The following CXADR variants were observed in gnomAD, a reference collection of about 807,000 sequenced individuals.
CXADR encodes the protein CXADR cell adhesion molecule, also known as coxsackievirus and adenovirus receptor.
Under a neutral mutation model 40.3 loss-of-function variants are expected in CXADR, and 20 were observed. The observed-to-expected ratio is 0.50, with a 90% CI of 0.35 to 0.72. The LOEUF (loss-of-function observed/expected upper bound fraction) is 0.72. CXADR is among the 30% of genes least tolerant of loss of function. The pLI, the probability that CXADR is intolerant of heterozygous loss-of-function variation, is 0.01. For synonymous variants in CXADR, 150 were observed against 161.3 expected, an observed-to-expected ratio of 0.93 and a Z score of 0.53; for missense variants, 332 against 449.1, an observed-to-expected ratio of 0.74 and a Z score of 2.36.
intron 1 of CXADR, among the ~76,000 whole-genome samples, chr21:17,531,721 A>G (rs190690733): frequency 1.5e-3 from 229 of 152,208 alleles, no homozygotes; most frequent in African/African-American, 4.6e-3. Flanking sequence ...AATTTCTTGT[A>G]CTCTAATGTG....
chr21:17,558,008 A>G (rs190868569), intron 3 of CXADR, among the ~76,000 whole-genome samples: 91 of 152,268 alleles, frequency 6.0e-4, no homozygotes, highest in Non-Finnish European at 9.6e-4. Flanking sequence ...GATTGGGGTG[A>G]GTTGCAGGTA....
chr21:17,571,460 A>G (rs1276430671), downstream of CXADR, among the ~76,000 whole-genome samples: 6 of 152,246 alleles, frequency 3.9e-5, no homozygotes, highest in Non-Finnish European at 7.3e-5. Context: ...TTAATCTTAT[A>G]GCTCTAATGG....
At chr21:17,537,360 G>A (rs1174745811) in intron 1 of CXADR, among the ~76,000 whole-genome samples, 2 of 152,174 alleles carry the variant, frequency 1.3e-5, no homozygotes, top group Non-Finnish European at 2.9e-5. Flanking sequence ...TTGTGCCTGT[G>A]AACATTGTTT....
chr21:17,546,940 A>G lies in CXADR; in HGVS notation c.44-87A>G, dbSNP rs77708818. The G allele has an allele frequency of 1.0e-3, 1,501 of 1,504,026 alleles. 11 individuals carry two copies. The African/African-American group carries it at 0.019, about 19-fold the overall frequency. The allele number at this position is 1,504,026 out of a possible 1,614,324, so 93.2% of individuals were successfully genotyped here. A position where few individuals can be genotyped will look rare whatever the true frequency, so the allele number is the denominator to read the frequency against. On this transcript the variant is annotated intron_variant, in intron 1 of 6. Transcript: ENST00000284878. ...ACCCCGTCCTGTATCCCTCGCATCA[A>G]TGTGCTGCTTCTGAATGGCTGCGGG...
intron 1 of CXADR, among the ~76,000 whole-genome samples, chr21:17,530,795 C>CA (rs1416718318): frequency 3.9e-5 from 6 of 152,112 alleles, no homozygotes; most frequent in African/African-American, 1.4e-4. Flanking sequence ...GCCTAGGCGA[C>CA]AGAGCGAGAC....
At chr21:17,621,218 G>A in the CXADR span, among the ~76,000 whole-genome samples, 1 of 152,062 alleles carries the variant, frequency 6.6e-6, no homozygotes, top group African/African-American at 2.4e-5. Context: ...TTTCTTACAG[G>A]CATGATGATA....
the CXADR span, chr21:17,633,154 G>C: frequency 6.6e-6 from 1 of 152,182 alleles, no homozygotes; most frequent in Non-Finnish European, 1.5e-5. Flanking sequence ...CCCAGGCACA[G>C]GGAGAGCTCT....
intron 3 of CXADR, among the ~76,000 whole-genome samples, chr21:17,556,962 C>T (rs1274352132): frequency 6.6e-6 from 1 of 152,122 alleles, no homozygotes; most frequent in Non-Finnish European, 1.5e-5. Flanking sequence ...TGTACAGTCA[C>T]CATATGATCC....
At chr21:17,599,551 C>T in the CXADR span, among the ~76,000 whole-genome samples, 5 of 151,728 alleles carry the variant, frequency 3.3e-5, no homozygotes, top group African/African-American at 1.2e-4. Context: ...AATCTCGGCC[C>T]ACTACAATCT....
chr21:17,594,143 G>A, downstream of CXADR: 1 of 1,613,252 alleles, frequency 6.2e-7, no homozygotes, highest in East Asian at 2.2e-5. Context: ...CGGTCACAAT[G>A]CATTCCAGGA....
At chr21:17,584,782 G>C (rs2061383337) in intron 7 of CXADR, among the ~76,000 whole-genome samples, 1 of 152,182 alleles carries the variant, frequency 6.6e-6, no homozygotes. Context: ...AGTGAGCCGA[G>C]ATTGCACCAC....
intron 2 of CXADR, among the ~76,000 whole-genome samples, chr21:17,548,653 G>A (rs992905562): frequency 6.6e-6 from 1 of 152,230 alleles, no homozygotes; most frequent in Non-Finnish European, 1.5e-5. Context: ...TATGGAGAGC[G>A]TGGGTCTTCC....
At chr21:17,535,973 A>G (rs541957285) in intron 1 of CXADR, among the ~76,000 whole-genome samples, 1 of 152,150 alleles carries the variant, frequency 6.6e-6, no homozygotes, top group East Asian at 1.9e-4. Context: ...GTGTCACTGC[A>G]CTCTAGCCTG....
intron 1 of CXADR, among the ~76,000 whole-genome samples, chr21:17,525,233 T>C (rs1434835909): frequency 2.0e-5 from 3 of 152,240 alleles, no homozygotes; most frequent in Admixed American, 6.5e-5. Flanking sequence ...TTCAAAGATA[T>C]TTCTTACAAA....
chr21:17,606,067 TAATAGG>T, the CXADR span, among the ~76,000 whole-genome samples: 959 of 152,294 alleles, frequency 6.3e-3, 54 homozygotes, highest in East Asian at 0.13. Flanking sequence ...TCTCAACAGG[TAATAGG>T]AATAAGTGTT....
chr21:17,612,876 G>A, the CXADR span: 2 of 152,076 alleles, frequency 1.3e-5, no homozygotes, highest in Non-Finnish European at 2.9e-5. Context: ...GAGAGGACTG[G>A]CGGGCGGACG....
At chr21:17,551,032 G>C (rs903948212) in intron 2 of CXADR, among the ~76,000 whole-genome samples, 10 of 152,188 alleles carry the variant, frequency 6.6e-5, no homozygotes, top group African/African-American at 2.4e-4. Context: ...AGGGGCAGGG[G>C]GCAGTAGGTA....
At chr21:17,572,488 CAGT>C (rs759236921), downstream of CXADR, among the ~76,000 whole-genome samples, 2 of 152,168 alleles carry the variant, frequency 1.3e-5, no homozygotes, top group African/African-American at 2.4e-5. Flanking sequence ...TTACCTGACT[CAGT>C]AGTAGCGAAC....
chr21:17,606,897 C>G, the CXADR span, among the ~76,000 whole-genome samples: 5 of 152,036 alleles, frequency 3.3e-5, no homozygotes, highest in African/African-American at 1.2e-4. Context: ...ACTTACTGTT[C>G]AAAAGGTATG....
Sources: allele counts gnomAD v4.1 joint callset (sites outside exome capture counted in the v4.1 genomes callset), GRCh38; gene constraint gnomAD v4.1.1; transcripts MANE v1.5; gene names NCBI Gene and HGNC (gene_info 2026-07-23, HGNC 2026-07-21).